The following MDGA2 variants were observed in gnomAD, a reference collection of about 807,000 sequenced individuals.
MDGA2 encodes the protein MAM domain-containing glycosylphosphatidylinositol anchor protein 2.
Under a neutral mutation model 117.8 loss-of-function variants are expected in MDGA2, and 40 were observed. That is an observed-to-expected ratio of 0.34 (90% CI 0.26 to 0.44). The LOEUF (loss-of-function observed/expected upper bound fraction) is 0.44, where lower values mean the gene tolerates loss of function less well. Ranked by LOEUF, MDGA2 falls within the 20% of genes least tolerant of loss-of-function variation. The pLI, the probability that MDGA2 is intolerant of heterozygous loss-of-function variation, is 1.00. For synonymous variants in MDGA2, 452 were observed against 439.0 expected (o/e 1.03, Z -0.37); for missense variants, 1,123 against 1,250.6 (o/e 0.90, Z 1.54).
At chr14:47,124,138 C>T (rs767032742) in intron 5 of MDGA2, among the ~76,000 whole-genome samples, 6 of 151,962 alleles carry the variant, frequency 3.9e-5, no homozygotes, top group Non-Finnish European at 5.9e-5. Flanking sequence ...AATATTTTAG[C>T]GCATGAAAGG....
intron 2 of MDGA2, among the ~76,000 whole-genome samples, chr14:47,266,546 T>C (rs1228662490): frequency 4.6e-5 from 7 of 152,182 alleles, no homozygotes; most frequent in Non-Finnish European, 1.5e-5. Flanking sequence ...AATTAAAATC[T>C]GATTCTGTCA....
intron 9 of MDGA2, among the ~76,000 whole-genome samples, chr14:46,920,811 A>G (rs1884098296): frequency 6.6e-6 from 1 of 152,226 alleles, no homozygotes; most frequent in Non-Finnish European, 1.5e-5. Flanking sequence ...TGTAGAAAAC[A>G]ATTAGTGGAA....
chr14:47,622,918 G>A (rs575914047), intron 1 of MDGA2, among the ~76,000 whole-genome samples: 2 of 152,144 alleles, frequency 1.3e-5, no homozygotes, highest in African/African-American at 2.4e-5. Context: ...AGCTGTCATT[G>A]TGGACTATTC....
chr14:47,076,592 C>T (rs776413470), intron 6 of MDGA2, among the ~76,000 whole-genome samples: 1 of 147,212 alleles, frequency 6.8e-6, no homozygotes, highest in Non-Finnish European at 1.5e-5. Flanking sequence ...GTGTGTATTA[C>T]CCAACCAATA....
intron 1 of MDGA2, among the ~76,000 whole-genome samples, chr14:47,348,902 GGAGA>G (rs1401631085): frequency 5.3e-5 from 8 of 152,292 alleles, no homozygotes; most frequent in African/African-American, 1.7e-4. Context: ...AAGAAGAAAT[GGAGA>G]GAGAATTACT....
intron 1 of MDGA2, among the ~76,000 whole-genome samples, chr14:47,427,576 T>C (rs144607342): frequency 6.6e-6 from 1 of 152,296 alleles, no homozygotes; most frequent in Admixed American, 6.5e-5. Context: ...TACTATCTTT[T>C]TGCAACATTC....
intron 1 of MDGA2, among the ~76,000 whole-genome samples, chr14:47,500,475 C>A (rs553704826): frequency 5.9e-5 from 9 of 152,094 alleles, no homozygotes; most frequent in African/African-American, 1.9e-4. Context: ...CAAAATTTAA[C>A]AACTAGCACC....
At chr14:46,936,012 AAAT>A (rs3038617) in intron 9 of MDGA2, among the ~76,000 whole-genome samples, 3 of 151,434 alleles carry the variant, frequency 2.0e-5, no homozygotes, top group Admixed American at 6.6e-5. Flanking sequence ...AATACTAAAT[AAAT>A]AATAATAATT....
At position 47,361,207 on chromosome 14, in the gene MDGA2, C is replaced by CTATATA. The variant is rs1226702812; in HGVS notation, c.281-59663_281-59658dup. ...TTGTACTCTCTCTCTCTCTCTCTCTCTATATATATATATATATATATGGCA... is the reference window on the plus strand; with the variant it reads ...TTGTACTCTCTCTCTCTCTCTCTCTCTATATATATATATATATATATATATATGGCA... On this transcript the variant is annotated intron_variant, in intron 1 of 16. Coordinates refer to ENST00000399232, the MANE Select transcript of MDGA2 (RefSeq NM_001113498.3). 6.2e-3 allele frequency among the ~76,000 whole-genome samples: 873 copies of CTATATA among 140,482 alleles called. 5 individuals are homozygous for CTATATA. Among genetic ancestry groups the CTATATA allele is most frequent in the East Asian group, 0.025 (119 of 4,670 alleles). The allele number at this position is 140,482 out of a possible 152,430, so 92.2% of individuals were successfully genotyped here. A position where few individuals can be genotyped will look rare whatever the true frequency, so the allele number is the denominator to read the frequency against.
At chr14:47,166,849 G>A (rs561137162) in intron 3 of MDGA2, among the ~76,000 whole-genome samples, 63 of 152,288 alleles carry the variant, frequency 4.1e-4, no homozygotes, top group African/African-American at 1.3e-3. Flanking sequence ...ACCTTCCACT[G>A]ATTACCAAAT....
intron 1 of MDGA2, among the ~76,000 whole-genome samples, chr14:47,315,541 T>C (rs2139856428): frequency 6.6e-6 from 1 of 152,280 alleles, no homozygotes; most frequent in Non-Finnish European, 1.5e-5. Flanking sequence ...AAGATGCCAG[T>C]GTAGATTTTT....
intron 3 of MDGA2, among the ~76,000 whole-genome samples, chr14:47,206,899 G>C (rs1161348524): frequency 6.6e-6 from 1 of 151,952 alleles, no homozygotes; most frequent in Non-Finnish European, 1.5e-5. Flanking sequence ...CTAAAAAATG[G>C]AGAGATGATA....
At chr14:47,514,870 CCT>C (rs147469478) in intron 1 of MDGA2, among the ~76,000 whole-genome samples, 2,126 of 152,234 alleles carry the variant, frequency 0.014, 40 homozygotes, top group African/African-American at 0.048. Context: ...TTCTTTCCCA[CCT>C]CTCTAGATAT....
intron 6 of MDGA2, among the ~76,000 whole-genome samples, chr14:47,073,802 C>G (rs1384784386): frequency 1.3e-5 from 2 of 152,112 alleles, no homozygotes; most frequent in African/African-American, 4.8e-5. Flanking sequence ...CGTACTGTGC[C>G]AACTTTTGGT....
chr14:47,169,443 C>A (rs936256784), intron 3 of MDGA2, among the ~76,000 whole-genome samples: 1 of 151,634 alleles, frequency 6.6e-6, no homozygotes, highest in Non-Finnish European at 1.5e-5. Context: ...TGTAGTGTGT[C>A]AGATATAATT....
chr14:46,950,265 T>G lies in MDGA2; in HGVS notation c.2089+7109A>C, dbSNP rs561540259. ...CCTATATTTTATCTAGATTGATTAT[T>G]CAAATATTCCTTTATCATCACTACT... On this transcript the variant is annotated intron_variant, in intron 9 of 16. Transcript: ENST00000399232. 2.0e-5 allele frequency among the ~76,000 whole-genome samples: 3 copies of G among 152,016 alleles called. No individual in the cohort carries two copies. The East Asian group carries it at 5.8e-4, about 29-fold the overall frequency.
chr14:47,402,451 C>T (rs1201543327), intron 1 of MDGA2, among the ~76,000 whole-genome samples: 4 of 151,728 alleles, frequency 2.6e-5, no homozygotes, highest in Non-Finnish European at 5.9e-5. Context: ...TAAACTTGTC[C>T]TCAGGTGCCA....
At chr14:47,556,935 G>A (rs1895695225) in intron 1 of MDGA2, among the ~76,000 whole-genome samples, 1 of 152,058 alleles carries the variant, frequency 6.6e-6, no homozygotes, top group Non-Finnish European at 1.5e-5. Context: ...TTTCTCCCCA[G>A]TTTGCTAATA....
At chr14:47,486,370 C>T (rs146988188) in intron 1 of MDGA2, among the ~76,000 whole-genome samples, 2 of 152,176 alleles carry the variant, frequency 1.3e-5, no homozygotes, top group African/African-American at 4.8e-5. Flanking sequence ...GTACCTCCAT[C>T]GTATCTAGGA....
Sources: allele counts gnomAD v4.1 joint callset (sites outside exome capture counted in the v4.1 genomes callset), GRCh38; gene constraint gnomAD v4.1.1; transcripts MANE v1.5; gene names NCBI Gene and HGNC (gene_info 2026-07-23, HGNC 2026-07-21).